Variants in ENTREP1 observed in about 807,000 individuals in gnomAD.
ENTREP1 encodes endosomal transmembrane epsin interactor 1.
chr9:69,328,151 C>T, the ENTREP1 span, among the ~76,000 whole-genome samples: 21 of 152,138 alleles, frequency 1.4e-4, no homozygotes, highest in African/African-American at 5.1e-4. Flanking sequence ...CCTTCCTGGG[C>T]TCTGCTGCTG....
chr9:69,356,909 G>C, the ENTREP1 span, among the ~76,000 whole-genome samples: 6 of 152,094 alleles, frequency 3.9e-5, no homozygotes, highest in Non-Finnish European at 8.8e-5. Flanking sequence ...TACAGAGCTA[G>C]ATATGTGCTG....
At chr9:69,341,428 T>C in the ENTREP1 span, among the ~76,000 whole-genome samples, 1 of 152,144 alleles carries the variant, frequency 6.6e-6, no homozygotes, top group African/African-American at 2.4e-5. Flanking sequence ...GATTATAGTA[T>C]TTAGGATAAA....
the ENTREP1 span, among the ~76,000 whole-genome samples, chr9:69,338,341 A>G: frequency 6.6e-6 from 1 of 152,192 alleles, no homozygotes; most frequent in African/African-American, 2.4e-5. Flanking sequence ...GTCTTTTTCC[A>G]TTGAGTCAAT....
the ENTREP1 span, among the ~76,000 whole-genome samples, chr9:69,335,062 G>T: frequency 6.6e-6 from 1 of 151,988 alleles, no homozygotes; most frequent in East Asian, 1.9e-4. Flanking sequence ...CGCCCAGCCT[G>T]TTTTTTCTTA....
chr9:69,375,359 GA>G, the ENTREP1 span, among the ~76,000 whole-genome samples: 2 of 151,956 alleles, frequency 1.3e-5, no homozygotes, highest in Non-Finnish European at 1.5e-5. Context: ...TTGTGTTGGG[GA>G]AAAAAAAGTG....
chr9:69,375,887 C>T, the ENTREP1 span: 11 of 1,608,128 alleles, frequency 6.8e-6, no homozygotes, highest in Middle Eastern at 1.7e-4. Flanking sequence ...GATTCCCACC[C>T]GCACGGTAAA....
At chr9:69,391,460 C>T in the ENTREP1 span, 25 of 664,916 alleles carry the variant, frequency 3.8e-5, no homozygotes, top group Non-Finnish European at 5.9e-5. Context: ...CAAGTGAGTT[C>T]CACTTTGGGA....
the ENTREP1 span, among the ~76,000 whole-genome samples, chr9:69,337,540 G>A: frequency 2.0e-5 from 3 of 152,098 alleles, no homozygotes; most frequent in East Asian, 1.9e-4. Flanking sequence ...TCATTTTAAA[G>A]TATACAATTC....
chr9:69,349,929 A>G, the ENTREP1 span, among the ~76,000 whole-genome samples: 2 of 152,222 alleles, frequency 1.3e-5, no homozygotes. Context: ...TTGAATGCAT[A>G]TGGCTTTCAC....
chr9:69,347,253 G>T, the ENTREP1 span, among the ~76,000 whole-genome samples: 3 of 152,206 alleles, frequency 2.0e-5, no homozygotes, highest in African/African-American at 4.8e-5. Context: ...CAGGCTAAGG[G>T]AGCTGGAAGC....
chr9:69,351,512 G>A, the ENTREP1 span, among the ~76,000 whole-genome samples: 1 of 152,188 alleles, frequency 6.6e-6, no homozygotes, highest in African/African-American at 2.4e-5. Flanking sequence ...CACCTCGCGG[G>A]TTCAAGTGAT....
At chr9:69,360,565 T>C in the ENTREP1 span, among the ~76,000 whole-genome samples, 2 of 152,252 alleles carry the variant, frequency 1.3e-5, no homozygotes, top group Non-Finnish European at 2.9e-5. Flanking sequence ...TTGATACAAA[T>C]GTCAACCATC....
At chr9:69,373,905 C>T in the ENTREP1 span, among the ~76,000 whole-genome samples, 1 of 152,110 alleles carries the variant, frequency 6.6e-6, no homozygotes, top group African/African-American at 2.4e-5. Flanking sequence ...CAAATGTATA[C>T]ACTCATGTTA....
the ENTREP1 span, among the ~76,000 whole-genome samples, chr9:69,369,131 T>A: frequency 6.6e-6 from 1 of 152,200 alleles, no homozygotes; most frequent in Admixed American, 6.5e-5. Context: ...GTTTCCAGCT[T>A]TATCCATGTC....
chr9:69,363,265 A>G, the ENTREP1 span, among the ~76,000 whole-genome samples: 2 of 152,178 alleles, frequency 1.3e-5, no homozygotes, highest in Non-Finnish European at 2.9e-5. Context: ...GTAAACCCCA[A>G]TGATGCATTG....
the ENTREP1 span, chr9:69,383,482 A>T: frequency 1.3e-6 from 2 of 1,503,250 alleles, no homozygotes; most frequent in Non-Finnish European, 1.8e-6. Flanking sequence ...AGCTTCTATT[A>T]TTCTCCCTCT....
chr9:69,376,199 C>T, the ENTREP1 span, among the ~76,000 whole-genome samples: 4 of 152,206 alleles, frequency 2.6e-5, no homozygotes, highest in African/African-American at 9.6e-5. Context: ...CCTACACACA[C>T]ATATACGGTG....
At chr9:69,368,898 A>G in the ENTREP1 span, among the ~76,000 whole-genome samples, 1 of 152,054 alleles carries the variant, frequency 6.6e-6, no homozygotes, top group African/African-American at 2.4e-5. Context: ...GGTTCGTTAC[A>G]TAGGTATACA....
At chr9:69,374,395 G>A in the ENTREP1 span, among the ~76,000 whole-genome samples, 1 of 151,972 alleles carries the variant, frequency 6.6e-6, no homozygotes, top group Non-Finnish European at 1.5e-5. Flanking sequence ...TGGATGATGC[G>A]GTGCTAAAGA....
Sources: allele counts gnomAD v4.1 joint callset (sites outside exome capture counted in the v4.1 genomes callset), GRCh38; gene constraint gnomAD v4.1.1; transcripts MANE v1.5; gene names NCBI Gene and HGNC (gene_info 2026-07-23, HGNC 2026-07-21).